The following MEX3B variants were observed in gnomAD, a reference collection of about 807,000 sequenced individuals.
MEX3B encodes the protein mex-3 RNA binding family member B.
MEX3B carries 10 observed loss-of-function variants against 12.2 expected under a neutral mutation model. The observed-to-expected ratio is 0.82, with a 90% CI of 0.51 to 1.40. MEX3B has a LOEUF of 1.40. Among genes scored for constraint, MEX3B ranks in the 40% most tolerant of loss-of-function variants. The pLI is 0.00. For synonymous variants in MEX3B, 498 were observed against 356.3 expected (o/e 1.40, Z -4.48); for missense variants, 839 against 801.4 (o/e 1.05, Z -0.57).
In MEX3B at chr15:82,044,890, A is replaced by G. The variant is rs561925687; in HGVS notation, c.257-277T>C. The G allele has an allele frequency of 1.7e-5, 10 of 578,756 alleles. No homozygotes were observed. Among genetic ancestry groups the G allele is most frequent in the African/African-American group, 1.3e-4 (7 of 53,494 alleles). 35.9% of individuals were successfully genotyped at this position (578,756 alleles called of 1,614,324 possible). On this transcript the variant is annotated intron_variant, in intron 1 of 1. Coordinates refer to ENST00000329713, the MANE Select transcript of MEX3B (RefSeq NM_032246.6). The surrounding 1 kb of genome is among the most constrained non-coding windows in gnomAD (Gnocchi z 5.3). ...CCGAACCAAACCCGAGAATCCCAGA[A>G]AAGTCATCTGGGGAGATGCCGCTGG...
At position 82,043,761 on chromosome 15, in the gene MEX3B, G is replaced by A. The variant is rs766379248; in HGVS notation, c.1109C>T (p.Pro370Leu). ...QPTFDPAPAP[P>L]PGAPLIWAQF... ...GGCCCAGATAAGTGGTGCCCCAGGT[G>A]GGGGAGCGGGAGCCGGGTCAAAAGT... The change falls in exon 2 of 2, where the codon CCA (proline) becomes CTA (leucine). Residue 370 changes from proline (P) to leucine (L), a missense_variant. Pro to Leu is a moderately conservative substitution (Grantham distance 98). Transcript: ENST00000329713. 1.9e-6 allele frequency: 3 copies of A among 1,570,176 alleles called. No homozygotes were observed. The highest frequency in any genetic ancestry group is 2.2e-5 in the East Asian group (1 of 44,620).
In MEX3B at chr15:82,044,184, G is replaced by A; in HGVS notation, c.686C>T (p.Thr229Ile). 6.2e-7 allele frequency: 1 copy of A among 1,614,036 alleles called. No homozygotes were observed. The highest frequency in any genetic ancestry group is 8.5e-7 in the Non-Finnish European group (1 of 1,180,044). ...EEIEAHIALR[T>I]GGIIELTDEN... Reference sequence around the variant, plus strand: ...GTCTGTGAGCTCAATGATGCCGCCGGTACGCAGAGCAATGTGCGCCTCAAT... The same window carrying A: ...GTCTGTGAGCTCAATGATGCCGCCGATACGCAGAGCAATGTGCGCCTCAAT... The change falls in exon 2 of 2, where the codon ACC becomes ATC. Residue 229 changes from threonine (T) to isoleucine (I), a missense_variant. Around this residue, in one of 3 missense-constraint regions of MEX3B, gnomAD observed 573 missense variants for 488.9 expected, o/e 1.17. Coordinates refer to ENST00000329713, the MANE Select transcript of MEX3B (RefSeq NM_032246.6). The surrounding 1 kb of genome is among the most constrained non-coding windows in gnomAD (Gnocchi z 5.3).
chr15:82,045,699 T>A lies in MEX3B; in HGVS notation c.7A>T (p.Ser3Cys). The A allele has an allele frequency of 6.7e-7, 1 of 1,500,246 alleles. No homozygotes were observed. The highest frequency in any genetic ancestry group is 8.9e-7 in the Non-Finnish European group (1 of 1,127,182). 92.9% of individuals were successfully genotyped at this position (1,500,246 alleles called of 1,614,324 possible). A position where few individuals can be genotyped will look rare whatever the true frequency, so the allele number is the denominator to read the frequency against. ...CGCTCCAGGTCTGCGAACAGCGAGC[T>A]GGGCATCGCTCGGCCGTGCGCGCCG... MP[S>C]SLFADLERNG... is the part of the protein sequence containing the mutation. Residue 3 changes from serine (S) to cysteine (C), a missense_variant, in exon 1 of 2, where the codon AGC (serine) becomes TGC (cysteine). Transcript: ENST00000329713.
intron 1 of MEX3B, 29 bp downstream of exon 1, chr15:82,045,421 A>ACCCCCCCCCCCCCCCCCCCCCCC: frequency 1.4e-6 from 1 of 697,300 alleles, no homozygotes. Flanking sequence ...CACCACCCCC[A>ACCCCCCCCCCCCCCCCCCCCCCC]CCCACCTCCC....
In MEX3B at chr15:82,044,740, G is replaced by A. The variant is rs1443470895; in HGVS notation, c.257-127C>T. 6 of 916,724 alleles carry A rather than the reference G, an allele frequency of 6.5e-6. No homozygotes were observed. The highest frequency in any genetic ancestry group is 1.0e-5 in the Non-Finnish European group (6 of 593,000). The allele number at this position is 916,724 out of a possible 1,614,324, so 56.8% of individuals were successfully genotyped here. On this transcript the variant is annotated intron_variant, in intron 1 of 1. Coordinates refer to ENST00000329713, the MANE Select transcript of MEX3B (RefSeq NM_032246.6). The surrounding 1 kb of genome is among the most constrained non-coding windows in gnomAD (Gnocchi z 5.3). ...CGAGACGGCAGGACAAGAGATGGGC[G>A]GAAAGGGGGCGTCTCCCTCACTGAC...
intron 1 of MEX3B, 169 bp downstream of exon 1, chr15:82,045,281 G>A (rs1313061133): frequency 2.4e-6 from 2 of 834,372 alleles, no homozygotes; most frequent in South Asian, 1.4e-5. Flanking sequence ...CCGGGAGACA[G>A]CCTGCCTGCA....
Position 82,043,398 on chromosome 15 carries a change from G to A in MEX3B, c.1472C>T (p.Ser491Leu), listed in dbSNP as rs372414507. 1.8e-5 allele frequency: 29 copies of A among 1,580,004 alleles called. No individual in the cohort carries two copies. The highest frequency in any genetic ancestry group is 2.4e-5 in the Non-Finnish European group (28 of 1,163,054). Reference sequence around the variant, plus strand: ...GGAGCTGGACGAAGAGGAGGAGCCCGACGTGTCCGACGGCTGCAAGCCAGG... The same window carrying A: ...GGAGCTGGACGAAGAGGAGGAGCCCAACGTGTCCGACGGCTGCAAGCCAGG... ...QLPGLQPSDTSGSSSSSSSSS... is the reference protein window; with the variant it reads ...QLPGLQPSDTLGSSSSSSSSS... The change falls in exon 2 of 2, where the codon TCG becomes TTG. Residue 491 changes from serine to leucine, a missense_variant. By Grantham distance (145) the Ser-to-Leu change is moderately radical. Transcript: ENST00000329713.
chr15:82,045,415 A>ACCCCCCCCCCCCCCCCCCAACCCCCCC, intron 1 of MEX3B, 35 bp downstream of exon 1: 3 of 1,530,522 alleles, frequency 2.0e-6, no homozygotes, highest in Non-Finnish European at 2.7e-6. Context: ...ACCCTACACC[A>ACCCCCCCCCCCCCCCCCCAACCCCCCC]CCCCCACCCA....
Position 82,045,626 on chromosome 15 carries a change from G to T in MEX3B, c.80C>A (p.Thr27Asn), listed in dbSNP as rs779801314. ...GGGGSSGGGE[T>N]LDDQRALQLA... is the part of the protein sequence containing the mutation. ...CTGCAGGGCTCTTTGGTCATCCAGG[G>T]TCTCTCCCCCTCCGCTGCTGCCGCC... Residue 27 changes from threonine to asparagine, a missense_variant, in exon 1 of 2, where the codon ACC becomes AAC. Around this residue, in one of 3 missense-constraint regions of MEX3B, gnomAD observed 214 missense variants for 223.8 expected, o/e 0.96. Transcript: ENST00000329713. 6 of 1,598,924 alleles carry T rather than the reference G, an allele frequency of 3.8e-6. No homozygotes were observed. The highest frequency in any genetic ancestry group is 1.1e-5 in the South Asian group (1 of 89,450).
Position 82,045,780 on chromosome 15 carries a change from G to A in MEX3B, c.-75C>T, listed in dbSNP as rs1567018136. On this transcript the variant is annotated 5_prime_UTR_variant, in exon 1 of 2. Coordinates refer to ENST00000329713, the MANE Select transcript of MEX3B (RefSeq NM_032246.6). ...GAAGCTGCGGCCACAAAGGCAGCCG[G>A]GAAGCGGGTGGTCAGGGGCGGGGAG... 4 of 1,308,272 alleles carry A rather than the reference G, an allele frequency of 3.1e-6. No individual in the cohort carries two copies. Among genetic ancestry groups the A allele is most frequent in the African/African-American group, 1.6e-5 (1 of 64,208 alleles). 81.0% of individuals were successfully genotyped at this position (1,308,272 alleles called of 1,614,324 possible).
At position 82,043,247 on chromosome 15, in the gene MEX3B, C is replaced by G; in HGVS notation, c.1623G>C (p.Glu541Asp). Residue 541 changes from glutamate to aspartate, a missense_variant, in exon 2 of 2, where the codon GAG becomes GAC. Around this residue, in one of 3 missense-constraint regions of MEX3B, gnomAD observed 573 missense variants for 488.9 expected, o/e 1.17. Transcript: ENST00000329713. ...TCTTCTCACAGATGCGATTGGCGCA[C>G]TCCATGCAGAAGAGGTTGTGGCCAC... ...VPCGHNLFCM[E>D]CANRICEKSE... 1.2e-6 allele frequency: 2 copies of G among 1,607,352 alleles called. No homozygotes were observed. Among genetic ancestry groups the G allele is most frequent in the Non-Finnish European group, 1.7e-6 (2 of 1,176,418 alleles).
rs766379248 is a variant in MEX3B at position 82,043,761 on chromosome 15, G to T, written c.1109C>A (p.Pro370Gln). 9.6e-6 allele frequency: 15 copies of T among 1,570,176 alleles called. No homozygotes were observed. Among genetic ancestry groups the T allele is most frequent in the East Asian group, 2.2e-5 (1 of 44,620 alleles). ...QPTFDPAPAP[P>Q]PGAPLIWAQF... ...GGCCCAGATAAGTGGTGCCCCAGGT[G>T]GGGGAGCGGGAGCCGGGTCAAAAGT... Residue 370 changes from proline to glutamine, a missense_variant, in exon 2 of 2, where the codon CCA becomes CAA. Pro to Gln is a moderately conservative substitution (Grantham distance 76, BLOSUM62 -1). Transcript: ENST00000329713.
Position 82,045,942 on chromosome 15 carries a change from T to TG in MEX3B, c.-238dup. 1 of 412,370 alleles carries TG rather than the reference T, an allele frequency of 2.4e-6. No homozygotes were observed. Among genetic ancestry groups the TG allele is most frequent in the Non-Finnish European group, 4.1e-6 (1 of 242,732 alleles). 25.5% of individuals were successfully genotyped at this position (412,370 alleles called of 1,614,324 possible). ...ACCCCAGACCTGCTGGCGGGTGGGGTGGGGGCAGAGCTCTAGCGGTGGCCG... is the reference window on the plus strand; with the variant it reads ...ACCCCAGACCTGCTGGCGGGTGGGGTGGGGGGCAGAGCTCTAGCGGTGGCCG... On this transcript the variant is annotated 5_prime_UTR_variant, in exon 1 of 2. Transcript: ENST00000329713.
rs2073230088 is a variant in MEX3B, at chr15:82,043,106, G to A, written c.*54C>T. The A allele has an allele frequency of 7.0e-7, 1 of 1,419,482 alleles. No individual in the cohort carries two copies. Among genetic ancestry groups the A allele is most frequent in the Non-Finnish European group, 9.2e-7 (1 of 1,086,126 alleles). The allele number at this position is 1,419,482 out of a possible 1,614,324, so 87.9% of individuals were successfully genotyped here. On this transcript the variant is annotated 3_prime_UTR_variant, in exon 2 of 2. Coordinates refer to ENST00000329713, the MANE Select transcript of MEX3B (RefSeq NM_032246.6). ...AGGCGAGCGCTGGGGAAAGAGGGTG[G>A]GGAGGGGTTCCCCCTTCCCCCAGCA... is the stretch of plus-strand genomic sequence containing the variant.
In MEX3B at chr15:82,042,238, A is replaced by C. The variant is rs2073224138; in HGVS notation, c.*922T>G. ...TATGCTTTATATCACTGAATAGAAA[A>C]TATGCTGGGTGAAGCAGATCTAGAA... On this transcript the variant is annotated 3_prime_UTR_variant, in exon 2 of 2. Coordinates refer to ENST00000329713, the MANE Select transcript of MEX3B (RefSeq NM_032246.6). 1 of 152,570 alleles carries C rather than the reference A, an allele frequency of 6.6e-6. No homozygotes were observed. Among genetic ancestry groups the C allele is most frequent in the South Asian group, 2.1e-4 (1 of 4,836 alleles). The allele number at this position is 152,570 out of a possible 1,614,324, so 9.5% of individuals were successfully genotyped here.
intron 1 of MEX3B, 37 bp downstream of exon 1, chr15:82,045,413 C>CCACCCCCCCCCCCCCCCCCCA: frequency 6.3e-7 from 1 of 1,577,454 alleles, no homozygotes; most frequent in African/African-American, 1.3e-5. Context: ...AGACCCTACA[C>CCACCCCCCCCCCCCCCCCCCA]CACCCCCACC....
Position 82,043,132 on chromosome 15 carries a change from CG to C in MEX3B, c.*27del, listed in dbSNP as rs1240550404. 6.7e-7 allele frequency: 1 copy of C among 1,498,524 alleles called. No homozygotes were observed. Among genetic ancestry groups the C allele is most frequent in the African/African-American group, 1.4e-5 (1 of 70,856 alleles). The allele number at this position is 1,498,524 out of a possible 1,614,324, so 92.8% of individuals were successfully genotyped here. A position where few individuals can be genotyped will look rare whatever the true frequency, so the allele number is the denominator to read the frequency against. On this transcript the variant is annotated 3_prime_UTR_variant, in exon 2 of 2. Coordinates refer to ENST00000329713, the MANE Select transcript of MEX3B (RefSeq NM_032246.6). ...GGAGGGGTTCCCCCTTCCCCCAGCA[CG>C]GTGCGCACTAGCAGCGCCCGCTGCC... is the stretch of plus-strand genomic sequence containing the variant.
chr15:82,044,267 C>T lies in MEX3B; in HGVS notation c.603G>A (p.Lys201=). ...HTYIVTPSRD[K]EPVFEVTGMP... is the part of the protein sequence containing the mutation. Reference sequence around the variant, plus strand: ...TGCCGGTCACCTCGAACACCGGCTCCTTATCCCGGCTGGGCGTCACGATGT... The same window carrying T: ...TGCCGGTCACCTCGAACACCGGCTCTTTATCCCGGCTGGGCGTCACGATGT... The change falls in exon 2 of 2, where the codon AAG becomes AAA. Residue 201 remains lysine, a synonymous_variant. Coordinates refer to ENST00000329713, the MANE Select transcript of MEX3B (RefSeq NM_032246.6). This position sits in a 1 kb window ranked among gnomAD's most constrained non-coding sequence, Gnocchi z 5.3. 1.2e-6 allele frequency: 2 copies of T among 1,614,014 alleles called. No homozygotes were observed. The highest frequency in any genetic ancestry group is 2.2e-5 in the South Asian group (2 of 91,088).
chr15:82,043,431 GC>G lies in MEX3B; in HGVS notation c.1438del (p.Ala480HisfsTer47). 6.4e-7 allele frequency: 1 copy of G among 1,565,226 alleles called. No homozygotes were observed. Among genetic ancestry groups the G allele is most frequent in the South Asian group, 1.2e-5 (1 of 85,308 alleles). ...CGACGGCTGCAAGCCAGGCAGCTGT[GC>G]CCCCAGCCCGTTGGCATAAGCGGCG... ...AYAAYANGLG[A>X]QLPGLQPSDT... On this transcript the variant is annotated frameshift_variant, in exon 2 of 2. Coordinates refer to ENST00000329713, the MANE Select transcript of MEX3B (RefSeq NM_032246.6). LOFTEE classifies it high-confidence loss of function.
Sources: allele counts gnomAD v4.1 joint callset, GRCh38; gene constraint gnomAD v4.1.1; regional missense constraint gnomAD v4.1.1; non-coding constraint Gnocchi (gnomAD v3.1); transcripts MANE v1.5; gene names NCBI Gene and HGNC (gene_info 2026-07-23, HGNC 2026-07-21).